PDE4B: variants seen among roughly 807,000 people sequenced by gnomAD.
PDE4B encodes the protein phosphodiesterase 4B, also known as 3',5'-cyclic-AMP phosphodiesterase 4B.
In PDE4B, 20 loss-of-function variants were observed where a neutral mutation model predicts 82.2. The ratio of observed to expected loss-of-function variants is 0.24; its 90% CI spans 0.17 to 0.35. The LOEUF is 0.35. Among genes scored for constraint, PDE4B ranks in the 10% least tolerant of loss-of-function variants. The pLI is 1.00. For synonymous variants in PDE4B, 320 were observed against 318.9 expected, an observed-to-expected ratio of 1.00 and a Z score of -0.04; for missense variants, 655 against 907.2, an observed-to-expected ratio of 0.72 and a Z score of 3.57.
intron 3 of PDE4B, among the ~76,000 whole-genome samples, chr1:66,167,748 G>T (rs1267131130): frequency 6.6e-6 from 1 of 152,138 alleles, no homozygotes; most frequent in Non-Finnish European, 1.5e-5. Flanking sequence ...TCTCCCTGTG[G>T]TTATGGTGGT....
intron 3 of PDE4B, among the ~76,000 whole-genome samples, chr1:65,953,199 CATTTACA>C (rs1343324972): frequency 1.3e-5 from 2 of 152,020 alleles, no homozygotes; most frequent in African/African-American, 4.8e-5. Flanking sequence ...CCATTCCCAA[CATTTACA>C]GGGACTGAAG....
At chr1:66,187,813 G>A (rs1647317255) in intron 3 of PDE4B, among the ~76,000 whole-genome samples, 1 of 151,790 alleles carries the variant, frequency 6.6e-6, no homozygotes, top group South Asian at 2.1e-4. Context: ...TTTTTGAAGG[G>A]TTTTCTGTGT....
chr1:66,178,623 T>G (rs1299002135), intron 3 of PDE4B, among the ~76,000 whole-genome samples: 1 of 152,210 alleles, frequency 6.6e-6, no homozygotes, highest in Admixed American at 6.5e-5. Flanking sequence ...TATTTGGTGC[T>G]CTTAACTAAA....
chr1:66,079,689 A>G (rs1656623381), intron 3 of PDE4B, among the ~76,000 whole-genome samples: 1 of 152,174 alleles, frequency 6.6e-6, no homozygotes, highest in Non-Finnish European at 1.5e-5. Flanking sequence ...CTTTGATATT[A>G]TTTGAAGATA....
intron 3 of PDE4B, among the ~76,000 whole-genome samples, chr1:66,151,925 G>A (rs536203377): frequency 4.3e-4 from 65 of 152,266 alleles, no homozygotes; most frequent in Non-Finnish European, 2.9e-4. Context: ...GTTTCTTATA[G>A]CACCTAGTGC....
chr1:65,912,782 T>C (rs1647111055), intron 1 of PDE4B, among the ~76,000 whole-genome samples: 1 of 152,184 alleles, frequency 6.6e-6, no homozygotes, highest in Non-Finnish European at 1.5e-5. Flanking sequence ...AAAGCAGTCA[T>C]ATTCTTTAAA....
intron 7 of PDE4B, among the ~76,000 whole-genome samples, chr1:66,321,891 C>T (rs1426795642): frequency 2.1e-5 from 3 of 144,354 alleles, no homozygotes; most frequent in African/African-American, 8.7e-5. Context: ...AAGAACAAAG[C>T]TGGAGGCGTT....
In PDE4B at chr1:65,931,699, A is replaced by G. The variant is rs368109910; in HGVS notation, c.281+12864A>G. On this transcript the variant is annotated intron_variant, in intron 3 of 16. Transcript: ENST00000341517. ...CTAGTTGAGAGCCTCCTGCACCCAGACACATCAAATCCCACAGGAAAATTC... is the reference window on the plus strand; with the variant it reads ...CTAGTTGAGAGCCTCCTGCACCCAGGCACATCAAATCCCACAGGAAAATTC... Among the ~76,000 whole-genome samples the G allele has an allele frequency of 3.2e-4, 49 of 152,348 alleles. 1 individual carries two copies. In the East Asian group the frequency reaches 5.0e-3, roughly 16 times the overall value.
intron 7 of PDE4B, among the ~76,000 whole-genome samples, chr1:66,287,577 T>G (rs1014927491): frequency 6.6e-6 from 1 of 152,180 alleles, no homozygotes; most frequent in Non-Finnish European, 1.5e-5. Flanking sequence ...CTCCAGACTT[T>G]CCTTGCCTGG....
At chr1:66,066,532 AAT>A (rs1655858949) in intron 3 of PDE4B, among the ~76,000 whole-genome samples, 1 of 151,938 alleles carries the variant, frequency 6.6e-6, no homozygotes, top group African/African-American at 2.4e-5. Flanking sequence ...TTGAAATGTT[AAT>A]GCACATGTGA....
intron 1 of PDE4B, among the ~76,000 whole-genome samples, chr1:65,912,508 C>G (rs538002474): frequency 2.9e-5 from 4 of 140,098 alleles, no homozygotes; most frequent in African/African-American, 1.1e-4. Flanking sequence ...TCTGCAATGA[C>G]TTCCAGTGAT....
At chr1:66,169,438 A>G (rs1277437443) in intron 3 of PDE4B, among the ~76,000 whole-genome samples, 1 of 152,208 alleles carries the variant, frequency 6.6e-6, no homozygotes, top group Non-Finnish European at 1.5e-5. Context: ...TGTAACATAG[A>G]TATTTTCTTT....
intron 3 of PDE4B, among the ~76,000 whole-genome samples, chr1:66,060,273 G>A (rs545725786): frequency 6.6e-6 from 1 of 152,068 alleles, no homozygotes; most frequent in Non-Finnish European, 1.5e-5. Context: ...AACTCTTTCG[G>A]TATTGTGCAA....
intron 3 of PDE4B, among the ~76,000 whole-genome samples, chr1:65,937,800 G>A (rs950279719): frequency 2.6e-5 from 4 of 152,108 alleles, no homozygotes; most frequent in Non-Finnish European, 5.9e-5. Context: ...TTAGAATATG[G>A]GAAGTGCAGG....
At chr1:65,809,332 C>CAAA (rs11366228) in intron 1 of PDE4B, among the ~76,000 whole-genome samples, 10 of 72,520 alleles carry the variant, frequency 1.4e-4, no homozygotes, top group Non-Finnish European at 2.0e-4. Flanking sequence ...CTCCATCTCA[C>CAAA]AAAAAAAAAA....
intron 3 of PDE4B, among the ~76,000 whole-genome samples, chr1:66,127,475 G>A (rs780546050): frequency 4.6e-5 from 7 of 152,120 alleles, no homozygotes; most frequent in Non-Finnish European, 8.8e-5. Context: ...GAAAAAGATG[G>A]TTGTATTTCT....
At chr1:65,837,905 G>A (rs1361166837) in intron 1 of PDE4B, among the ~76,000 whole-genome samples, 2 of 151,946 alleles carry the variant, frequency 1.3e-5, no homozygotes, top group African/African-American at 2.4e-5. Flanking sequence ...TTCTGAAAAG[G>A]CCCAGTGTGT....
chr1:66,087,036 G>A (rs910504872), intron 3 of PDE4B, among the ~76,000 whole-genome samples: 22 of 152,074 alleles, frequency 1.4e-4, no homozygotes, highest in African/African-American at 5.3e-4. Context: ...CAGAGTGCTT[G>A]GCATGTTCAG....
chr1:65,850,031 C>A (rs1473112669), intron 1 of PDE4B, among the ~76,000 whole-genome samples: 1 of 151,814 alleles, frequency 6.6e-6, no homozygotes, highest in African/African-American at 2.4e-5. Flanking sequence ...GCAGTTGCAC[C>A]ATTCGCATTC....
Sources: gnomAD v4.1 joint callset for allele counts (sites outside exome capture counted in the v4.1 genomes callset) on GRCh38, gnomAD v4.1.1 for gene constraint, MANE v1.5 for transcripts, NCBI Gene and HGNC (gene_info 2026-07-23, HGNC 2026-07-21) for gene names.